SNTG2: variants seen among roughly 807,000 people sequenced by gnomAD.
The protein encoded by SNTG2 is syntrophin gamma 2.
SNTG2 carries 74 observed loss-of-function variants against 70.9 expected under a neutral mutation model. The ratio of observed to expected loss-of-function variants is 1.04; its 90% CI spans 0.86 to 1.27. The LOEUF is 1.27. Among genes scored for constraint, SNTG2 ranks in the 50% most tolerant of loss-of-function variants. SNTG2 has a pLI of 0.00. For missense variants in SNTG2, 717 were observed against 690.7 expected, an observed-to-expected ratio of 1.04 and a Z score of -0.43; for synonymous variants, 278 against 273.8, an observed-to-expected ratio of 1.02 and a Z score of -0.15.
At chr2:1,006,059 A>G (rs886337824) in intron 1 of SNTG2, among the ~76,000 whole-genome samples, 1 of 150,516 alleles carries the variant, frequency 6.6e-6, no homozygotes, top group Non-Finnish European at 1.5e-5. Context: ...TCAGTAAACT[A>G]TTGCAAGAAC....
rs138750558 is a variant in SNTG2, at chr2:1,151,859, G to A, written c.412-13689G>A. Among the ~76,000 whole-genome samples, 270 of 152,286 alleles carry A rather than the reference G, an allele frequency of 1.8e-3. 3 individuals carry two copies. Among genetic ancestry groups the A allele is most frequent in the African/African-American group, 6.2e-3 (258 of 41,544 alleles). On this transcript the variant is annotated intron_variant, in intron 6 of 16. Transcript: ENST00000308624. ...GAAAATGGGTGACTAGCACTCGTGT[G>A]TAAGTGGCATAAATTGGGTTTTCAA...
At chr2:1,082,610 C>T (rs1335615874) in intron 1 of SNTG2, among the ~76,000 whole-genome samples, 1 of 152,214 alleles carries the variant, frequency 6.6e-6, no homozygotes, top group Non-Finnish European at 1.5e-5. Context: ...CATCCCTCTC[C>T]CCCGCCACGT....
intron 7 of SNTG2, among the ~76,000 whole-genome samples, chr2:1,170,607 C>T (rs1671062115): frequency 1.4e-5 from 2 of 144,906 alleles, no homozygotes; most frequent in Admixed American, 1.5e-4. Context: ...CATCTTCCCC[C>T]AGTGTAGTTT....
At chr2:1,155,520 G>T (rs1281557972) in intron 6 of SNTG2, among the ~76,000 whole-genome samples, 1 of 152,238 alleles carries the variant, frequency 6.6e-6, no homozygotes, top group Non-Finnish European at 1.5e-5. Flanking sequence ...GGTTAATACA[G>T]AAAGGAGAGG....
intron 7 of SNTG2, among the ~76,000 whole-genome samples, chr2:1,172,428 A>G (rs1671185834): frequency 6.6e-6 from 1 of 152,162 alleles, no homozygotes; most frequent in African/African-American, 2.4e-5. Context: ...CAGCCTGAAG[A>G]TATTGGTGGG....
chr2:1,335,386 C>T (rs1483779444), intron 16 of SNTG2, among the ~76,000 whole-genome samples: 1 of 152,154 alleles, frequency 6.6e-6, no homozygotes, highest in East Asian at 1.9e-4. Context: ...ACCACGCTGC[C>T]TGCTGTCCAG....
chr2:1,074,648 T>TG (rs1313813031), intron 1 of SNTG2, among the ~76,000 whole-genome samples: 1 of 152,234 alleles, frequency 6.6e-6, no homozygotes, highest in Non-Finnish European at 1.5e-5. Context: ...AAGCTTACTC[T>TG]GTATCTGACA....
chr2:1,316,357 C>A lies in SNTG2; in HGVS notation c.1470C>A (p.Thr490=). 1 of 1,536,318 alleles carries A rather than the reference C, an allele frequency of 6.5e-7. No individual in the cohort carries two copies. Among genetic ancestry groups the A allele is most frequent in the Non-Finnish European group, 8.8e-7 (1 of 1,133,346 alleles). The change falls in exon 16 of 17, where the codon ACC becomes ACA. Residue 490 remains threonine (T), a synonymous_variant. Coordinates refer to ENST00000308624, the MANE Select transcript of SNTG2 (RefSeq NM_018968.4). The part of the protein sequence containing the change: ...RVKLLFQNLD[T]KQIETKELEF... ...AGCTGCTGTTTCAGAATCTGGACAC[C>A]AAACAGATTGAGACGAAGGTATGCG...
intron 16 of SNTG2, among the ~76,000 whole-genome samples, chr2:1,340,638 ATGTT>A (rs1311544418): frequency 2.6e-5 from 4 of 152,238 alleles, no homozygotes; most frequent in Non-Finnish European, 5.9e-5. Flanking sequence ...CAAAAATAAA[ATGTT>A]TGACATAAAT....
At chr2:1,065,920 T>TA (rs1236440362) in intron 1 of SNTG2, among the ~76,000 whole-genome samples, 1 of 152,172 alleles carries the variant, frequency 6.6e-6, no homozygotes, top group Non-Finnish European at 1.5e-5. Context: ...GAAGATAACT[T>TA]ACAGGTTACA....
Position 1,199,245 on chromosome 2 carries a change from G to A in SNTG2, c.592-9858G>A, listed in dbSNP as rs1445497369. ...GTTAAATATATGCAAATCAATAAATGTGACACATCACATCAATATAATAAA... is the reference window on the plus strand; with the variant it reads ...GTTAAATATATGCAAATCAATAAATATGACACATCACATCAATATAATAAA... On this transcript the variant is annotated intron_variant, in intron 8 of 16. Transcript: ENST00000308624. Among the ~76,000 whole-genome samples, 4 of 146,596 alleles carry A rather than the reference G, an allele frequency of 2.7e-5. No homozygotes were observed. In the Admixed American group the frequency reaches 2.8e-4, roughly 10 times the overall value.
intron 10 of SNTG2, 45 bp from the exon 11 acceptor site, chr2:1,239,693 G>T (rs192374775): frequency 6.9e-5 from 111 of 1,603,826 alleles, no homozygotes; most frequent in Non-Finnish European, 8.3e-5. Flanking sequence ...GAGCCATCCT[G>T]GTGTTGGTGG....
intron 8 of SNTG2, among the ~76,000 whole-genome samples, chr2:1,179,434 G>A (rs1355458484): frequency 7.2e-5 from 11 of 151,734 alleles, no homozygotes; most frequent in Admixed American, 3.3e-4. Context: ...AGACAAACAG[G>A]GAGCCAAATC....
intron 7 of SNTG2, among the ~76,000 whole-genome samples, chr2:1,167,458 C>G (rs6724582): frequency 0.017 from 2,101 of 124,532 alleles, 103 homozygotes; most frequent in African/African-American, 0.067. Flanking sequence ...CTGAAGCCTA[C>G]AAGCCGCCCA....
intron 1 of SNTG2, among the ~76,000 whole-genome samples, chr2:1,025,925 T>C (rs1200473507): frequency 6.6e-6 from 1 of 152,228 alleles, no homozygotes; most frequent in Non-Finnish European, 1.5e-5. Flanking sequence ...ATTTGAGAGA[T>C]TTGAAAATTT....
At chr2:1,256,915 G>A (rs1431894171) in intron 12 of SNTG2, among the ~76,000 whole-genome samples, 3 of 152,080 alleles carry the variant, frequency 2.0e-5, no homozygotes, top group Non-Finnish European at 2.9e-5. Flanking sequence ...TAAGCCATGC[G>A]GTTCAGGTAA....
chr2:1,197,774 T>G (rs1673018944), intron 8 of SNTG2, among the ~76,000 whole-genome samples: 1 of 151,914 alleles, frequency 6.6e-6, no homozygotes, highest in Non-Finnish European at 1.5e-5. Context: ...GCTCAAGTGA[T>G]CCAACTGCCT....
At chr2:1,127,438 G>A (rs4528789) in intron 4 of SNTG2, among the ~76,000 whole-genome samples, 18,067 of 152,070 alleles carry the variant, frequency 0.12, 1,116 homozygotes, top group Admixed American at 0.15. Context: ...GCTACTTGGG[G>A]CTTCATGTAG....
intron 7 of SNTG2, among the ~76,000 whole-genome samples, chr2:1,170,525 G>T (rs1476324913): frequency 6.6e-6 from 1 of 152,138 alleles, no homozygotes; most frequent in Non-Finnish European, 1.5e-5. Context: ...CATCCGACCT[G>T]GAATGAGGAT....
Sources: allele counts gnomAD v4.1 joint callset (sites outside exome capture counted in the v4.1 genomes callset), GRCh38; gene constraint gnomAD v4.1.1; transcripts MANE v1.5; gene names NCBI Gene and HGNC (gene_info 2026-07-23, HGNC 2026-07-21).